VIPR2: variants seen among roughly 807,000 people sequenced by gnomAD.
VIPR2 encodes the protein vasoactive intestinal polypeptide receptor 2.
A neutral mutation model predicts 58.0 loss-of-function variants in VIPR2; 48 were observed. The ratio of observed to expected loss-of-function variants is 0.83; its 90% CI spans 0.66 to 1.05. The LOEUF (loss-of-function observed/expected upper bound fraction) is 1.05. VIPR2 is among the 50% of genes least tolerant of loss of function. The pLI is 0.00. For synonymous variants in VIPR2, 243 were observed against 235.2 expected (o/e 1.03, Z -0.30); for missense variants, 534 against 558.0 (o/e 0.96, Z 0.43).
chr7:159,138,370 T>C (rs899048349), intron 2 of VIPR2, among the ~76,000 whole-genome samples: 1 of 152,204 alleles, frequency 6.6e-6, no homozygotes, highest in Non-Finnish European at 1.5e-5. Context: ...GCTAAAATAG[T>C]GTCATTTGGT....
At chr7:159,057,393 C>G (rs1342068514) in intron 5 of VIPR2, among the ~76,000 whole-genome samples, 1 of 152,148 alleles carries the variant, frequency 6.6e-6, no homozygotes, top group Non-Finnish European at 1.5e-5. Context: ...TAGACTTATT[C>G]TTTCTGAGAA....
chr7:159,127,683 C>A lies in VIPR2; in HGVS notation c.151+14763G>T, dbSNP rs1361251204. ...GCTTTGGCATGTAAACGCATGTGGG[C>A]ATCAGGAAAATGGATGTGTGCTAAT... On this transcript the variant is annotated intron_variant, in intron 2 of 12. Coordinates refer to ENST00000262178, the MANE Select transcript of VIPR2 (RefSeq NM_003382.5). The surrounding 1 kb of genome is among the most constrained non-coding windows in gnomAD (Gnocchi z 4.6). Among the ~76,000 whole-genome samples the A allele has an allele frequency of 6.6e-6, 1 of 152,164 alleles. No individual in the cohort carries two copies. The highest frequency in any genetic ancestry group is 1.5e-5 in the Non-Finnish European group (1 of 68,002).
chr7:159,141,939 T>C (rs1203069588), intron 2 of VIPR2, among the ~76,000 whole-genome samples: 3 of 152,254 alleles, frequency 2.0e-5, no homozygotes, highest in African/African-American at 7.2e-5. Flanking sequence ...TGGCCCAGCA[T>C]GCCTCTGTCA....
intron 8 of VIPR2, 21 bp downstream of exon 8, chr7:159,035,931 G>T (rs1359594989): frequency 1.3e-5 from 21 of 1,607,430 alleles, no homozygotes; most frequent in Non-Finnish European, 1.7e-5. Flanking sequence ...TTTCGAGGTT[G>T]CAGTCTGGTC....
In VIPR2 at chr7:159,030,562, C is replaced by G; in HGVS notation, c.*54G>C. 2 of 1,475,162 alleles carry G rather than the reference C, an allele frequency of 1.4e-6. No homozygotes were observed. Among genetic ancestry groups the G allele is most frequent in the Non-Finnish European group, 1.8e-6 (2 of 1,109,354 alleles). 91.4% of individuals were successfully genotyped at this position (1,475,162 alleles called of 1,614,324 possible). ...AAGGAGGAAGCCGGCGTCTCAGCCC[C>G]GCAGAAGCCCCGAACCGTGGGCCTC... On this transcript the variant is annotated 3_prime_UTR_variant, in exon 13 of 13. Transcript: ENST00000262178.
At chr7:159,060,248 C>G (rs1358300127) in intron 4 of VIPR2, among the ~76,000 whole-genome samples, 1 of 149,176 alleles carries the variant, frequency 6.7e-6, no homozygotes. Flanking sequence ...ACCACCCCCA[C>G]TCACCTCGCC....
rs1174739065 is a variant in VIPR2 at position 159,093,364 on chromosome 7, G to C, written c.357+10393C>G. ...GAAACTCAGACCAACCGTGTTTTAA[G>C]AAGCGTCCTTTAGTAGAAGTCAGGG... On this transcript the variant is annotated intron_variant, in intron 4 of 12. Transcript: ENST00000262178. The surrounding 1 kb of genome is among the most constrained non-coding windows in gnomAD (Gnocchi z 6.7). 1.3e-5 allele frequency among the ~76,000 whole-genome samples: 2 copies of C among 152,202 alleles called. No homozygotes were observed. Among genetic ancestry groups the C allele is most frequent in the African/African-American group, 4.8e-5 (2 of 41,446 alleles).
chr7:159,127,057 C>T lies in VIPR2; in HGVS notation c.151+15389G>A, dbSNP rs1282045055. On this transcript the variant is annotated intron_variant, in intron 2 of 12. Transcript: ENST00000262178. The surrounding 1 kb of genome is among the most constrained non-coding windows in gnomAD (Gnocchi z 4.6). ...ACAGCTAAGACAGGAGGAGACAATG[C>T]CCCACAGCAGAGCGCGGTCTCCAAA... Among the ~76,000 whole-genome samples the T allele has an allele frequency of 1.3e-5, 2 of 152,222 alleles. No individual in the cohort carries two copies. Among genetic ancestry groups the T allele is most frequent in the African/African-American group, 4.8e-5 (2 of 41,452 alleles).
At position 159,031,845 on chromosome 7, in the gene VIPR2, AG is replaced by A; in HGVS notation, c.1125del (p.Cys376ValfsTer3). On this transcript the variant is annotated frameshift_variant, in exon 12 of 13. Transcript: ENST00000262178. LOFTEE classifies it low-confidence loss of function (END_TRUNC). This position sits in a 1 kb window ranked among gnomAD's most constrained non-coding sequence, Gnocchi z 4.0. ...SFQGLVVAVL[Y>X]CFLNSEVQCE... ...GAACTTACCTCACTGTTCAGGAAAC[AG>A]TAGAGGACGGCCACCACCAGGCCCT... is the stretch of plus-strand genomic sequence containing the variant. 2 of 1,614,000 alleles carry A rather than the reference AG, an allele frequency of 1.2e-6. No individual in the cohort carries two copies. Among genetic ancestry groups the A allele is most frequent in the East Asian group, 2.2e-5 (1 of 44,856 alleles).
intron 4 of VIPR2, among the ~76,000 whole-genome samples, chr7:159,077,607 A>T (rs1856703332): frequency 6.6e-6 from 1 of 151,084 alleles, no homozygotes; most frequent in African/African-American, 2.4e-5. Context: ...TGTACCTGTT[A>T]TCAGATTCTA....
At chr7:159,102,860 A>G (rs1244153650) in intron 4 of VIPR2, among the ~76,000 whole-genome samples, 1 of 152,154 alleles carries the variant, frequency 6.6e-6, no homozygotes, top group East Asian at 1.9e-4. Context: ...CCTCCAATGT[A>G]TCCCCTGCCT....
At chr7:159,040,115 C>A (rs2129493273) in intron 6 of VIPR2, among the ~76,000 whole-genome samples, 1 of 152,330 alleles carries the variant, frequency 6.6e-6, no homozygotes, top group Non-Finnish European at 1.5e-5. Flanking sequence ...ACCAAACAAG[C>A]ACACTGAGGA....
chr7:159,047,508 A>T (rs576021523), intron 5 of VIPR2, among the ~76,000 whole-genome samples: 1 of 149,952 alleles, frequency 6.7e-6, no homozygotes, highest in Non-Finnish European at 1.5e-5. Context: ...ACTAGTTTCT[A>T]TTATGACAGA....
rs1402493806 is a variant in VIPR2 at position 159,031,325 on chromosome 7, A to G, written c.1143+503T>C. ...GCCAGCAACCGCAGCGTGGGGCGGG[A>G]GGGTCAGGGGTCAGGGGACGGGGCC... is the stretch of plus-strand genomic sequence containing the variant. On this transcript the variant is annotated intron_variant, in intron 12 of 12. Transcript: ENST00000262178. This position sits in a 1 kb window ranked among gnomAD's most constrained non-coding sequence, Gnocchi z 4.0. 7.2e-6 allele frequency among the ~76,000 whole-genome samples: 1 copy of G among 138,780 alleles called. No homozygotes were observed. The highest frequency in any genetic ancestry group is 2.6e-5 in the African/African-American group (1 of 38,166). 91.0% of individuals were successfully genotyped at this position (138,780 alleles called of 152,430 possible). A position where few individuals can be genotyped will look rare whatever the true frequency, so the allele number is the denominator to read the frequency against.
At position 159,096,661 on chromosome 7, in the gene VIPR2, T is replaced by A. The variant is rs1007498468; in HGVS notation, c.357+7096A>T. On this transcript the variant is annotated intron_variant, in intron 4 of 12. Coordinates refer to ENST00000262178, the MANE Select transcript of VIPR2 (RefSeq NM_003382.5). This position sits in a 1 kb window ranked among gnomAD's most constrained non-coding sequence, Gnocchi z 5.5. Reference sequence around the variant, plus strand: ...ACTCATCCATTTATTTGGAAAGTATTAAGCATCACATGCACAGGTTAAAAC... The same window carrying A: ...ACTCATCCATTTATTTGGAAAGTATAAAGCATCACATGCACAGGTTAAAAC... 6.6e-6 allele frequency among the ~76,000 whole-genome samples: 1 copy of A among 152,226 alleles called. No individual in the cohort carries two copies. The highest frequency in any genetic ancestry group is 2.4e-5 in the African/African-American group (1 of 41,460).
chr7:159,075,932 C>T (rs1041346925), intron 4 of VIPR2, among the ~76,000 whole-genome samples: 3 of 152,266 alleles, frequency 2.0e-5, no homozygotes, highest in East Asian at 3.8e-4. Context: ...TCTCACGGGC[C>T]GTGGAAGTCC....
chr7:159,057,629 A>G (rs1423500779), intron 5 of VIPR2, among the ~76,000 whole-genome samples: 1 of 152,228 alleles, frequency 6.6e-6, no homozygotes, highest in African/African-American at 2.4e-5. Flanking sequence ...AGAGAAATAA[A>G]ATATGTAGTG....
intron 4 of VIPR2, among the ~76,000 whole-genome samples, chr7:159,068,858 G>A (rs1202098019): frequency 6.6e-6 from 1 of 152,214 alleles, no homozygotes; most frequent in East Asian, 1.9e-4. Context: ...TGTGATCAGA[G>A]TTCAGACTAA....
intron 6 of VIPR2, among the ~76,000 whole-genome samples, chr7:159,038,745 C>T (rs1333019852): frequency 6.6e-6 from 1 of 151,902 alleles, no homozygotes; most frequent in Non-Finnish European, 1.5e-5. Flanking sequence ...ACCTCTTAAC[C>T]AAGACGGGAA....
Sources: allele counts gnomAD v4.1 joint callset (sites outside exome capture counted in the v4.1 genomes callset), GRCh38; gene constraint gnomAD v4.1.1; non-coding constraint Gnocchi (gnomAD v3.1); transcripts MANE v1.5; gene names NCBI Gene and HGNC (gene_info 2026-07-23, HGNC 2026-07-21).